The following KIF13B variants were observed in gnomAD, a reference collection of about 807,000 sequenced individuals.
The protein encoded by KIF13B is kinesin family member 13B.
Under a neutral mutation model 222.0 loss-of-function variants are expected in KIF13B, and 127 were observed. The ratio of observed to expected loss-of-function variants is 0.57; its 90% CI spans 0.50 to 0.66. KIF13B has a LOEUF of 0.66. Among genes scored for constraint, KIF13B ranks in the 30% least tolerant of loss-of-function variants. The pLI is 0.00. For synonymous variants in KIF13B, 976 were observed against 919.0 expected (o/e 1.06, Z -1.12); for missense variants, 2,173 against 2,379.0 (o/e 0.91, Z 1.80).
At chr8:29,194,461 A>G (rs1340819420) in intron 3 of KIF13B, among the ~76,000 whole-genome samples, 1 of 152,182 alleles carries the variant, frequency 6.6e-6, no homozygotes, top group Admixed American at 6.5e-5. Context: ...AGTGCCTTAC[A>G]TCTAGCAGGT....
Position 29,196,179 on chromosome 8 carries a change from T to C in KIF13B, c.162+8A>G, listed in dbSNP as rs1415590408. 8.3e-6 allele frequency: 13 copies of C among 1,566,762 alleles called. No individual in the cohort carries two copies. The highest frequency in any genetic ancestry group is 1.1e-5 in the Non-Finnish European group (13 of 1,154,914). ...TACAAGCATCACATAACAAACCAAA[T>C]CTCTTACCTTCGGCTGGCCCCTGAG... On this transcript the variant is annotated splice_region_variant and intron_variant, in intron 3 of 39. Transcript: ENST00000524189.
At chr8:29,220,124 T>C (rs554509214) in intron 2 of KIF13B, among the ~76,000 whole-genome samples, 50 of 152,296 alleles carry the variant, frequency 3.3e-4, no homozygotes, top group African/African-American at 1.1e-3. Context: ...AATACATTTT[T>C]GTCTATAAAA....
intron 2 of KIF13B, among the ~76,000 whole-genome samples, chr8:29,213,603 T>C (rs1814331338): frequency 6.6e-6 from 1 of 152,216 alleles, no homozygotes. Flanking sequence ...CAAACCTGTA[T>C]GGCATTTCCT....
At chr8:29,101,053 G>A (rs185905837) in intron 35 of KIF13B, among the ~76,000 whole-genome samples, 135 of 152,322 alleles carry the variant, frequency 8.9e-4, no homozygotes, top group Non-Finnish European at 2.1e-4. Context: ...AGAGCAACAC[G>A]TGATCATCGA....
intron 31 of KIF13B, among the ~76,000 whole-genome samples, chr8:29,116,235 C>G (rs1444350496): frequency 6.6e-6 from 1 of 152,168 alleles, no homozygotes; most frequent in Non-Finnish European, 1.5e-5. Flanking sequence ...GCCAAATATA[C>G]AAATCAAAGA....
At chr8:29,203,776 C>A (rs1355676406) in intron 2 of KIF13B, among the ~76,000 whole-genome samples, 1 of 151,662 alleles carries the variant, frequency 6.6e-6, no homozygotes, top group East Asian at 1.9e-4. Context: ...TGCCTGTAAT[C>A]CCAGCTACTC....
chr8:29,121,717 A>C (rs2129727466), intron 29 of KIF13B, among the ~76,000 whole-genome samples: 1 of 149,998 alleles, frequency 6.7e-6, no homozygotes, highest in African/African-American at 2.4e-5. Flanking sequence ...GGATCTAATT[A>C]AACTAAAGAG....
chr8:29,142,406 A>C, intron 18 of KIF13B, 103 bp from the exon 19 acceptor site: 29 of 968,778 alleles, frequency 3.0e-5, no homozygotes, highest in Non-Finnish European at 4.3e-5. Flanking sequence ...ACCAAAACTC[A>C]AATGGCAATC....
chr8:29,251,553 T>C (rs1225009001), intron 1 of KIF13B, among the ~76,000 whole-genome samples: 1 of 151,956 alleles, frequency 6.6e-6, no homozygotes, highest in Non-Finnish European at 1.5e-5. Flanking sequence ...ATGAGGTACC[T>C]AGGGTAGTCA....
At chr8:29,222,785 C>T (rs1203682716) in intron 2 of KIF13B, among the ~76,000 whole-genome samples, 1 of 151,988 alleles carries the variant, frequency 6.6e-6, no homozygotes, top group Admixed American at 6.6e-5. Flanking sequence ...TACTGTTTCA[C>T]TTAGTGGCAC....
chr8:29,081,409 A>C (rs1201794953), intron 37 of KIF13B, among the ~76,000 whole-genome samples: 1 of 152,194 alleles, frequency 6.6e-6, no homozygotes, highest in Non-Finnish European at 1.5e-5. Flanking sequence ...CATAACCTTA[A>C]ACACTGAAAT....
chr8:29,087,722 C>T (rs1206960126), intron 37 of KIF13B, among the ~76,000 whole-genome samples: 2 of 152,100 alleles, frequency 1.3e-5, no homozygotes, highest in African/African-American at 4.8e-5. Flanking sequence ...TTCTGGACTC[C>T]TCACTTTAGG....
At chr8:29,228,472 A>AAAAAATATACATATAT in intron 2 of KIF13B, among the ~76,000 whole-genome samples, 1 of 117,086 alleles carries the variant, frequency 8.5e-6, no homozygotes, top group South Asian at 2.9e-4. Flanking sequence ...ATCTTAAAAA[A>AAAAAATATACATATAT]ATATATATAT....
At chr8:29,234,506 G>A (rs1346327061) in intron 2 of KIF13B, among the ~76,000 whole-genome samples, 2 of 148,174 alleles carry the variant, frequency 1.3e-5, no homozygotes, top group Non-Finnish European at 3.0e-5. Flanking sequence ...CAGGCCTAGG[G>A]GTGGGAGGAA....
At chr8:29,086,965 G>C (rs1411069056) in intron 37 of KIF13B, among the ~76,000 whole-genome samples, 3 of 152,214 alleles carry the variant, frequency 2.0e-5, no homozygotes, top group Non-Finnish European at 4.4e-5. Flanking sequence ...CCGGGTACTT[G>C]TGTATTTCTT....
chr8:29,209,023 GTTTA>G (rs1814086119), intron 2 of KIF13B, among the ~76,000 whole-genome samples: 1 of 152,178 alleles, frequency 6.6e-6, no homozygotes, highest in South Asian at 2.1e-4. Flanking sequence ...CATGGTCTTA[GTTTA>G]TTTCCATAGG....
Position 29,108,121 on chromosome 8 carries a change from A to G in KIF13B, c.4215+18T>C. The G allele has an allele frequency of 6.3e-7, 1 of 1,599,364 alleles. No individual in the cohort carries two copies. Among genetic ancestry groups the G allele is most frequent in the Non-Finnish European group, 8.5e-7 (1 of 1,170,342 alleles). On this transcript the variant is annotated intron_variant, in intron 35 of 39. Transcript: ENST00000524189. ...AAATGGGACTTAAAACACTGATAGA[A>G]ATAGTTAAAACACCTACCTTGTTGC...
At chr8:29,177,616 A>T in intron 8 of KIF13B, 38 bp from the exon 9 acceptor site, 1 of 1,373,838 alleles carries the variant, frequency 7.3e-7, no homozygotes, top group Non-Finnish European at 1.0e-6. Flanking sequence ...CAACAGGAAC[A>T]CAGGGCCAGG....
chr8:29,262,410 C>A (rs550071907), intron 1 of KIF13B, among the ~76,000 whole-genome samples: 124 of 152,358 alleles, frequency 8.1e-4, no homozygotes, highest in South Asian at 1.9e-3. Flanking sequence ...CCACCTGACC[C>A]CAATCTCAGG....
Sources: gnomAD v4.1 joint callset for allele counts (sites outside exome capture counted in the v4.1 genomes callset) on GRCh38, gnomAD v4.1.1 for gene constraint, MANE v1.5 for transcripts, NCBI Gene and HGNC (gene_info 2026-07-23, HGNC 2026-07-21) for gene names.